Variants in KCNQ2 observed in about 807,000 individuals in gnomAD.
KCNQ2 encodes the protein potassium voltage-gated channel subfamily Q member 2.
Under a neutral mutation model 84.8 loss-of-function variants are expected in KCNQ2, and 14 were observed. That is an observed-to-expected ratio of 0.17 (90% CI 0.11 to 0.26). The LOEUF (loss-of-function observed/expected upper bound fraction) is 0.26, where lower values mean the gene tolerates loss of function less well. KCNQ2 is among the 10% of genes least tolerant of loss of function. The pLI is 1.00. For synonymous variants in KCNQ2, 599 were observed against 554.1 expected (o/e 1.08, Z -1.14); for missense variants, 788 against 1,254.0 (o/e 0.63, Z 5.61).
In KCNQ2 at chr20:63,400,986, G is replaced by A. The variant is rs923832713; in HGVS notation, c.*5658C>T. ...TTTGTAAAACCCAGGCGGAGTTGGC[G>A]TGTGGCGATGGCGATGTGCACGTGC... On this transcript the variant is annotated 3_prime_UTR_variant, in exon 17 of 17. Coordinates refer to ENST00000359125, the MANE Select transcript of KCNQ2 (RefSeq NM_172107.4). This position sits in a 1 kb window ranked among gnomAD's most constrained non-coding sequence, Gnocchi z 8.7. 2.8e-5 allele frequency: 11 copies of A among 397,272 alleles called. No homozygotes were observed. The highest frequency in any genetic ancestry group is 1.6e-4 in the African/African-American group (8 of 48,602). The allele number at this position is 397,272 out of a possible 1,614,324, so 24.6% of individuals were successfully genotyped here. A position where few individuals can be genotyped will look rare whatever the true frequency, so the allele number is the denominator to read the frequency against.
chr20:63,457,838 G>A (rs2081844004), intron 1 of KCNQ2, among the ~76,000 whole-genome samples: 1 of 152,228 alleles, frequency 6.6e-6, no homozygotes, highest in South Asian at 2.1e-4. Flanking sequence ...GCAGCTGTGG[G>A]CAGACTCCCA....
At chr20:63,417,909 G>A (rs1421335390) in intron 12 of KCNQ2, among the ~76,000 whole-genome samples, 1 of 152,248 alleles carries the variant, frequency 6.6e-6, no homozygotes, top group Non-Finnish European at 1.5e-5. Context: ...CCCAGACAGA[G>A]CCGGCGGGAA....
At chr20:63,453,415 G>A (rs140876150) in intron 1 of KCNQ2, among the ~76,000 whole-genome samples, 25 of 152,352 alleles carry the variant, frequency 1.6e-4, no homozygotes, top group Middle Eastern at 6.8e-3. Context: ...TCCTGTGCTC[G>A]TTGGCCAAGT....
Position 63,439,694 on chromosome 20 carries a change from G to A in KCNQ2, c.831C>T (p.Thr277=). 1 of 1,613,294 alleles carries A rather than the reference G, an allele frequency of 6.2e-7. No homozygotes were observed. Among genetic ancestry groups the A allele is most frequent in the Non-Finnish European group, 8.5e-7 (1 of 1,179,552 alleles). ...ALWWGLITLT[T]IGYGDKYPQT... ...GGGGGTACTTGTCCCCGTAGCCAAT[G>A]GTGGTCAGCGTGATCTGTGGGACCG... The change falls in exon 6 of 17, where the codon ACC becomes ACT. Residue 277 remains threonine, a synonymous_variant. Coordinates refer to ENST00000359125, the MANE Select transcript of KCNQ2 (RefSeq NM_172107.4).
intron 1 of KCNQ2, among the ~76,000 whole-genome samples, chr20:63,467,928 G>T (rs1444943164): frequency 6.6e-6 from 1 of 152,166 alleles, no homozygotes; most frequent in African/African-American, 2.4e-5. Context: ...TAATAAAACA[G>T]ATTTTCTCTG....
At position 63,406,699 on chromosome 20, in the gene KCNQ2, G is replaced by A. The variant is rs12481082; in HGVS notation, c.2564C>T (p.Ser855Leu). 6.2e-6 allele frequency: 10 copies of A among 1,606,940 alleles called. No homozygotes were observed. Among genetic ancestry groups the A allele is most frequent in the Non-Finnish European group, 7.6e-6 (9 of 1,177,868 alleles). Residue 855 changes from serine (S) to leucine (L), a missense_variant, in exon 17 of 17, where the codon TCG (serine) becomes TTG (leucine). By Grantham distance (145) the Ser-to-Leu change is moderately radical. This residue lies in a region of KCNQ2 where 378 missense variants were observed against 434.5 expected (regional missense o/e 0.87). Coordinates refer to ENST00000359125, the MANE Select transcript of KCNQ2 (RefSeq NM_172107.4). ...LCTPCGPPPRSATGEGPFGDV... is the reference protein window; with the variant it reads ...LCTPCGPPPRLATGEGPFGDV... ...ACCAAAGGGACCCTCGCCGGTGGCC[G>A]AGCGTGGCGGGGGCCCGCACGGGGT...
chr20:63,455,801 C>G (rs1306091950), intron 1 of KCNQ2, among the ~76,000 whole-genome samples: 1 of 139,690 alleles, frequency 7.2e-6, no homozygotes, highest in Admixed American at 7.1e-5. Context: ...TGCTCACGGA[C>G]CCCCCACCTC....
rs1241388377 is a variant in KCNQ2, at chr20:63,413,569, G to A, written c.1644C>T (p.Phe548=). 1.9e-6 allele frequency: 3 copies of A among 1,596,024 alleles called. No homozygotes were observed. The highest frequency in any genetic ancestry group is 2.6e-6 in the Non-Finnish European group (3 of 1,164,566). ...CCTTGAACTTCCGCTTGGACACCAGGAACCGCATGACACTGCAGGGGGGTG... is the reference window on the plus strand; with the variant it reads ...CCTTGAACTTCCGCTTGGACACCAGAAACCGCATGACACTGCAGGGGGGTG... ...VSIRAVCVMR[F]LVSKRKFKES... The change falls in exon 15 of 17, where the codon TTC becomes TTT. Residue 548 remains phenylalanine (F), a synonymous_variant. Coordinates refer to ENST00000359125, the MANE Select transcript of KCNQ2 (RefSeq NM_172107.4).
rs764972396 is a variant in KCNQ2, at chr20:63,407,588, G to A, written c.1888-213C>T. The stretch of plus-strand genomic sequence containing the variant: ...ATGGGGGGGCCCAGGCTGGTTCCAG[G>A]AAACAGGAGAGACCCAGGCTAGTCC... On this transcript the variant is annotated intron_variant, in intron 16 of 16. Coordinates refer to ENST00000359125, the MANE Select transcript of KCNQ2 (RefSeq NM_172107.4). The surrounding 1 kb of genome is among the most constrained non-coding windows in gnomAD (Gnocchi z 7.2). Among the ~76,000 whole-genome samples, 8 of 151,646 alleles carry A rather than the reference G, an allele frequency of 5.3e-5. No individual in the cohort carries two copies. Among genetic ancestry groups the A allele is most frequent in the Non-Finnish European group, 1.2e-4 (8 of 67,820 alleles).
chr20:63,428,817 G>A (rs572944667), intron 9 of KCNQ2, among the ~76,000 whole-genome samples: 12 of 152,168 alleles, frequency 7.9e-5, no homozygotes, highest in East Asian at 1.9e-4. Context: ...GGGACAGCAC[G>A]CGAATATATT....
intron 7 of KCNQ2, among the ~76,000 whole-genome samples, chr20:63,436,499 C>A (rs1270692006): frequency 6.6e-6 from 1 of 151,560 alleles, no homozygotes; most frequent in Non-Finnish European, 1.5e-5. Flanking sequence ...CCACTGCACT[C>A]CAGCCTGGGC....
chr20:63,454,467 C>G (rs1449848256), intron 1 of KCNQ2, among the ~76,000 whole-genome samples: 1 of 152,248 alleles, frequency 6.6e-6, no homozygotes, highest in Non-Finnish European at 1.5e-5. Flanking sequence ...CTGGGCCCGT[C>G]TGGGGGACGC....
At chr20:63,458,381 C>A (rs116680855) in intron 1 of KCNQ2, among the ~76,000 whole-genome samples, 1,555 of 152,284 alleles carry the variant, frequency 0.01, 23 homozygotes, top group African/African-American at 0.036. Flanking sequence ...GCGACCCATC[C>A]ACCCTGCTCC....
rs185298866 is a variant in KCNQ2, at chr20:63,435,127, C to T, written c.1024-1224G>A. The stretch of plus-strand genomic sequence containing the variant: ...TAACATGTCAGCCGCCCTGGCCTGG[C>T]GCAGAGGCTCACAACACCTTGGAGG... On this transcript the variant is annotated intron_variant, in intron 7 of 16. Transcript: ENST00000359125. 1.3e-4 allele frequency among the ~76,000 whole-genome samples: 20 copies of T among 152,298 alleles called. 1 individual carries two copies. The highest frequency in any genetic ancestry group is 1.3e-3 in the Admixed American group (20 of 15,308).
intron 10 of KCNQ2, among the ~76,000 whole-genome samples, chr20:63,426,061 G>A (rs368361141): frequency 2.6e-4 from 39 of 152,334 alleles, no homozygotes; most frequent in African/African-American, 4.8e-4. Flanking sequence ...ATCGTTCCCC[G>A]TTTCCTAAAG....
chr20:63,410,932 G>C (rs2080102322), intron 15 of KCNQ2: 1 of 444,084 alleles, frequency 2.3e-6, no homozygotes. Flanking sequence ...AATCAGACTT[G>C]CCAGAAGACA....
At chr20:63,421,818 AC>A (rs1005139499) in intron 11 of KCNQ2, among the ~76,000 whole-genome samples, 10 of 148,350 alleles carry the variant, frequency 6.7e-5, no homozygotes, top group Admixed American at 4.0e-4. Flanking sequence ...GGCCAAAGAG[AC>A]CCCCCGGGAC....
rs751010696 is a variant in KCNQ2, at chr20:63,413,589, G to A, written c.1632-8C>T. 74 of 1,611,074 alleles carry A rather than the reference G, an allele frequency of 4.6e-5. No homozygotes were observed. The highest frequency in any genetic ancestry group is 8.3e-5 in the Admixed American group (5 of 60,004). On this transcript the variant is annotated splice_region_variant and splice_polypyrimidine_tract_variant and intron_variant, in intron 14 of 16. Transcript: ENST00000359125. Reference sequence around the variant, plus strand: ...ACCAGGAACCGCATGACACTGCAGGGGGGTGGGTGGGGCTGTGAGCCCTGG... The same window carrying A: ...ACCAGGAACCGCATGACACTGCAGGAGGGTGGGTGGGGCTGTGAGCCCTGG...
rs770285355 is a variant in KCNQ2, at chr20:63,438,521, C to T, written c.1023+104G>A. 59 of 925,084 alleles carry T rather than the reference C, an allele frequency of 6.4e-5. No homozygotes were observed. The highest frequency in any genetic ancestry group is 9.8e-5 in the Non-Finnish European group (55 of 563,120). 57.3% of individuals were successfully genotyped at this position (925,084 alleles called of 1,614,324 possible). A position where few individuals can be genotyped will look rare whatever the true frequency, so the allele number is the denominator to read the frequency against. ...CCTGCAGAGGGTGAGCGCTGTGGCC[C>T]ATCCACAGACAGGGCAATGCCAAAG... On this transcript the variant is annotated intron_variant, in intron 7 of 16. Coordinates refer to ENST00000359125, the MANE Select transcript of KCNQ2 (RefSeq NM_172107.4). This position sits in a 1 kb window ranked among gnomAD's most constrained non-coding sequence, Gnocchi z 5.1.
Sources: gnomAD v4.1 joint callset for allele counts (sites outside exome capture counted in the v4.1 genomes callset) on GRCh38, gnomAD v4.1.1 for gene constraint, gnomAD v4.1.1 regional missense constraint, Gnocchi (gnomAD v3.1) non-coding constraint, MANE v1.5 for transcripts, NCBI Gene and HGNC (gene_info 2026-07-23, HGNC 2026-07-21) for gene names.